The following BAALC variants were observed in gnomAD, a reference collection of about 807,000 sequenced individuals.
BAALC encodes the protein brain and acute leukemia cytoplasmic protein.
BAALC carries 9 observed loss-of-function variants against 15.5 expected under a neutral mutation model. The observed-to-expected ratio is 0.58, with a 90% CI of 0.35 to 1.02. The LOEUF (loss-of-function observed/expected upper bound fraction) is 1.02. Among genes scored for constraint, BAALC ranks in the 50% least tolerant of loss-of-function variants. The probability of loss-of-function intolerance (pLI) is 0.02; values close to 1 mark genes in which losing one functional copy is unlikely to be tolerated. For synonymous variants in BAALC, 80 were observed against 74.6 expected (o/e 1.07, Z -0.37); for missense variants, 201 against 192.4 (o/e 1.04, Z -0.27).
At chr8:103,217,383 C>T (rs1023912290) in intron 2 of BAALC, among the ~76,000 whole-genome samples, 8 of 152,226 alleles carry the variant, frequency 5.3e-5, no homozygotes, top group Admixed American at 5.2e-4. Context: ...CATACCAACA[C>T]TCAGGCAGGC....
At chr8:103,163,981 G>A (rs1171581835) in intron 1 of BAALC, among the ~76,000 whole-genome samples, 1 of 152,160 alleles carries the variant, frequency 6.6e-6, no homozygotes. Context: ...ATGGTGATGG[G>A]TAGAGAAAGA....
At chr8:103,211,559 T>C (rs949485913) in intron 1 of BAALC, among the ~76,000 whole-genome samples, 2 of 152,176 alleles carry the variant, frequency 1.3e-5, no homozygotes, top group African/African-American at 2.4e-5. Context: ...GGGATCTCCA[T>C]TGCAGAGTTA....
At chr8:103,223,660 G>A (rs1812733798) in intron 2 of BAALC, among the ~76,000 whole-genome samples, 1 of 152,112 alleles carries the variant, frequency 6.6e-6, no homozygotes, top group Admixed American at 6.5e-5. Context: ...GCTGTTATAG[G>A]AATGACTACT....
rs1358834077 is a variant in BAALC at position 103,229,860 on chromosome 8, A to C, written c.*1761A>C. The C allele has an allele frequency of 6.6e-6, 1 of 152,228 alleles. No individual in the cohort carries two copies. The highest frequency in any genetic ancestry group is 2.4e-5 in the African/African-American group (1 of 41,460). The allele number at this position is 152,228 out of a possible 1,614,324, so 9.4% of individuals were successfully genotyped here. A position where few individuals can be genotyped will look rare whatever the true frequency, so the allele number is the denominator to read the frequency against. The stretch of plus-strand genomic sequence containing the variant: ...AAAATGTTTTTAACAATAATAAGAT[A>C]AAAGAAAAACCTGTGATTCATATGT... On this transcript the variant is annotated 3_prime_UTR_variant, in exon 3 of 3. Coordinates refer to ENST00000309982, the MANE Select transcript of BAALC (RefSeq NM_024812.3).
At chr8:103,224,936 G>A (rs1021487941) in intron 2 of BAALC, among the ~76,000 whole-genome samples, 10 of 152,150 alleles carry the variant, frequency 6.6e-5, no homozygotes, top group Non-Finnish European at 1.5e-4. Context: ...TAGGAGTTGG[G>A]CAAGATTAAA....
chr8:103,141,135 G>T, intron 1 of BAALC, 78 bp downstream of exon 1: 1 of 1,353,050 alleles, frequency 7.4e-7, no homozygotes, highest in Non-Finnish European at 9.5e-7. Context: ...GAGAGGAGCC[G>T]GTTCCCTGAG....
intron 1 of BAALC, among the ~76,000 whole-genome samples, chr8:103,189,132 T>C (rs983969362): frequency 4.6e-5 from 7 of 152,350 alleles, no homozygotes; most frequent in South Asian, 2.1e-4. Context: ...TTTCTGTTTA[T>C]GTCTAGGAAC....
At position 103,171,290 on chromosome 8, in the gene BAALC, A is replaced by T. The variant is rs201447191; in HGVS notation, c.160+30233A>T. Among the ~76,000 whole-genome samples the T allele has an allele frequency of 2.2e-4, 32 of 144,440 alleles. No individual in the cohort carries two copies. The East Asian group carries it at 5.3e-3, about 24-fold the overall frequency. 94.8% of individuals were successfully genotyped at this position (144,440 alleles called of 152,430 possible). A position where few individuals can be genotyped will look rare whatever the true frequency, so the allele number is the denominator to read the frequency against. Reference sequence around the variant, plus strand: ...AGAAGAGAAAAAGAAAGAAAGAGAGAAGGAAGGGGGGAGGGAGGAGGAAAC... The same window carrying T: ...AGAAGAGAAAAAGAAAGAAAGAGAGTAGGAAGGGGGGAGGGAGGAGGAAAC... On this transcript the variant is annotated intron_variant, in intron 1 of 2. Coordinates refer to ENST00000309982, the MANE Select transcript of BAALC (RefSeq NM_024812.3).
At chr8:103,171,301 G>A (rs1459358438) in intron 1 of BAALC, among the ~76,000 whole-genome samples, 1 of 148,464 alleles carries the variant, frequency 6.7e-6, no homozygotes, top group African/African-American at 2.5e-5. Flanking sequence ...AGGAAGGGGG[G>A]AGGGAGGAGG....
chr8:103,146,264 G>A (rs1033373240), intron 1 of BAALC, among the ~76,000 whole-genome samples: 4 of 152,102 alleles, frequency 2.6e-5, no homozygotes, highest in South Asian at 2.1e-4. Context: ...GGGACTGTCC[G>A]AGCCAACCCT....
intron 1 of BAALC, among the ~76,000 whole-genome samples, chr8:103,200,392 CAG>C (rs1812187001): frequency 2.0e-5 from 3 of 152,242 alleles, no homozygotes; most frequent in Admixed American, 6.5e-5. Flanking sequence ...ATATCCACCT[CAG>C]AGAAAAATTT....
chr8:103,219,713 C>A (rs1255456438), intron 2 of BAALC, among the ~76,000 whole-genome samples: 1 of 152,198 alleles, frequency 6.6e-6, no homozygotes, highest in Non-Finnish European at 1.5e-5. Flanking sequence ...GATCAAATAT[C>A]CCCTGACTGA....
chr8:103,191,876 G>T (rs1811975951), intron 1 of BAALC, among the ~76,000 whole-genome samples: 1 of 152,162 alleles, frequency 6.6e-6, no homozygotes, highest in Non-Finnish European at 1.5e-5. Flanking sequence ...AGGGAAAGCT[G>T]CAGAGACAGG....
chr8:103,195,485 T>C (rs1812072108), intron 1 of BAALC, among the ~76,000 whole-genome samples: 1 of 152,140 alleles, frequency 6.6e-6, no homozygotes, highest in African/African-American at 2.4e-5. Context: ...AAGTTTTCAC[T>C]CAGCCCTGAA....
chr8:103,199,797 T>TC (rs200163002), intron 1 of BAALC, among the ~76,000 whole-genome samples: 1 of 150,206 alleles, frequency 6.7e-6, no homozygotes, highest in African/African-American at 2.5e-5. Context: ...TTTCCTGATT[T>TC]TTCCTCCCTC....
chr8:103,183,358 G>T (rs1245915472), intron 1 of BAALC: 2 of 702,862 alleles, frequency 2.8e-6, no homozygotes, highest in Admixed American at 2.0e-5. Context: ...TCCTGGTTTT[G>T]CCCATTAGCC....
At chr8:103,216,482 T>C (rs1355965709) in intron 2 of BAALC, among the ~76,000 whole-genome samples, 2 of 151,732 alleles carry the variant, frequency 1.3e-5, no homozygotes, top group Non-Finnish European at 2.9e-5. Context: ...AATTAATTAA[T>C]TTATGTATTT....
intron 1 of BAALC, among the ~76,000 whole-genome samples, chr8:103,164,070 G>A (rs536455603): frequency 5.9e-5 from 9 of 152,318 alleles, no homozygotes; most frequent in African/African-American, 2.2e-4. Context: ...ACTGGAGATG[G>A]GGAAGCCTAG....
At chr8:103,215,691 T>G (rs1038720115) in intron 2 of BAALC, among the ~76,000 whole-genome samples, 6 of 152,194 alleles carry the variant, frequency 3.9e-5, no homozygotes, top group African/African-American at 1.4e-4. Context: ...GCATTTCGTG[T>G]CTCTGCTCAC....
Sources: gnomAD v4.1 joint callset for allele counts (sites outside exome capture counted in the v4.1 genomes callset) on GRCh38, gnomAD v4.1.1 for gene constraint, MANE v1.5 for transcripts, NCBI Gene and HGNC (gene_info 2026-07-23, HGNC 2026-07-21) for gene names.